NRXN3: variants seen among roughly 807,000 people sequenced by gnomAD.
The protein encoded by NRXN3 is neurexin 3, also known as neurexin III.
NRXN3 carries 32 observed loss-of-function variants against 137.6 expected under a neutral mutation model. The ratio of observed to expected loss-of-function variants is 0.23; its 90% CI spans 0.18 to 0.31. The LOEUF is 0.31. Among genes scored for constraint, NRXN3 ranks in the 10% least tolerant of loss-of-function variants. NRXN3 has a pLI of 1.00. For synonymous variants in NRXN3, 798 were observed against 784.5 expected (o/e 1.02, Z -0.29); for missense variants, 1,574 against 2,062.5 (o/e 0.76, Z 4.59).
At chr14:79,143,779 C>T (rs530761074) in intron 15 of NRXN3, among the ~76,000 whole-genome samples, 123 of 152,216 alleles carry the variant, frequency 8.1e-4, no homozygotes, top group African/African-American at 2.6e-3. Flanking sequence ...TTTTTTCTCC[C>T]TGTGTGATTA....
chr14:79,064,160 C>T (rs2099677725), intron 15 of NRXN3, among the ~76,000 whole-genome samples: 1 of 152,050 alleles, frequency 6.6e-6, no homozygotes, highest in Admixed American at 6.6e-5. Context: ...CATCTGTGAG[C>T]GGATTATTTG....
chr14:78,197,672 A>G (rs1247151387), intron 1 of NRXN3, among the ~76,000 whole-genome samples: 2 of 152,198 alleles, frequency 1.3e-5, no homozygotes, highest in Non-Finnish European at 2.9e-5. Flanking sequence ...AGCTCCCCAC[A>G]TCTTGATGGA....
At chr14:79,761,849 C>A (rs1378121276) in intron 19 of NRXN3, among the ~76,000 whole-genome samples, 2 of 151,634 alleles carry the variant, frequency 1.3e-5, no homozygotes, top group Admixed American at 1.3e-4. Context: ...TGTGTTCTGG[C>A]TAAAGGCCAG....
chr14:78,506,400 C>G (rs1371212865), intron 4 of NRXN3, among the ~76,000 whole-genome samples: 1 of 152,118 alleles, frequency 6.6e-6, no homozygotes, highest in East Asian at 1.9e-4. Context: ...GCAGATATCT[C>G]TTTGAGTTCC....
intron 4 of NRXN3, among the ~76,000 whole-genome samples, chr14:78,393,410 C>G (rs1185000165): frequency 6.6e-6 from 1 of 151,976 alleles, no homozygotes; most frequent in Non-Finnish European, 1.5e-5. Flanking sequence ...TCCTGTTACC[C>G]TCTTATAGCC....
Position 78,747,046 on chromosome 14 carries a change from C to G in NRXN3, c.2044+31907C>G, listed in dbSNP as rs190331014. Reference sequence around the variant, plus strand: ...GTAAGCTCCCAGGGCAGGTATGAACCTCACCATTTTAGAGAGGAAGAAATC... The same window carrying G: ...GTAAGCTCCCAGGGCAGGTATGAACGTCACCATTTTAGAGAGGAAGAAATC... On this transcript the variant is annotated intron_variant, in intron 8 of 20. Transcript: ENST00000335750. Among the ~76,000 whole-genome samples the G allele has an allele frequency of 1.1e-4, 17 of 152,210 alleles. No homozygotes were observed. In the East Asian group the frequency reaches 3.3e-3, roughly 29 times the overall value.
chr14:78,546,014 C>A (rs1173621722), intron 4 of NRXN3, among the ~76,000 whole-genome samples: 1 of 152,078 alleles, frequency 6.6e-6, no homozygotes, highest in Non-Finnish European at 1.5e-5. Context: ...TTACTTTTTT[C>A]TACCATGCAC....
chr14:78,655,986 C>T (rs1409985084), intron 6 of NRXN3, among the ~76,000 whole-genome samples: 4 of 152,152 alleles, frequency 2.6e-5, no homozygotes, highest in African/African-American at 9.7e-5. Flanking sequence ...CAATCCCACT[C>T]ATGAGGGACC....
At position 79,760,053 on chromosome 14, in the gene NRXN3, C is replaced by A. The variant is rs565785557; in HGVS notation, c.4015-45059C>A. Among the ~76,000 whole-genome samples, 39 of 151,736 alleles carry A rather than the reference C, an allele frequency of 2.6e-4. 1 individual carries two copies. In the East Asian group the frequency reaches 6.0e-3, roughly 23 times the overall value. On this transcript the variant is annotated intron_variant, in intron 19 of 20. Transcript: ENST00000335750. ...CTGGGAAATTACCCTCTGCCTACAG[C>A]TTTCAAATACATATATATACTATGT... is the stretch of plus-strand genomic sequence containing the variant.
chr14:79,701,956 T>C (rs1207041753), intron 19 of NRXN3, among the ~76,000 whole-genome samples: 1 of 152,102 alleles, frequency 6.6e-6, no homozygotes. Flanking sequence ...TATTATATTC[T>C]GTTTCCCACA....
chr14:79,042,389 C>T (rs973739580), intron 15 of NRXN3, among the ~76,000 whole-genome samples: 9 of 152,160 alleles, frequency 5.9e-5, no homozygotes, highest in South Asian at 4.1e-4. Context: ...ACTTAATGCA[C>T]GGTTTGCCTT....
chr14:79,120,389 A>ATC (rs1457433914), intron 15 of NRXN3, among the ~76,000 whole-genome samples: 79 of 152,108 alleles, frequency 5.2e-4, no homozygotes, highest in African/African-American at 1.8e-3. Context: ...TCACACTGAG[A>ATC]AGTGTGAACT....
At chr14:79,349,786 A>T (rs1408771829) in intron 15 of NRXN3, among the ~76,000 whole-genome samples, 1 of 152,146 alleles carries the variant, frequency 6.6e-6, no homozygotes, top group Non-Finnish European at 1.5e-5. Context: ...TAGTGTCCTT[A>T]TAAGAGGAAA....
chr14:79,474,090 T>C lies in NRXN3; in HGVS notation c.3444+6688T>C, dbSNP rs112887250. ...AGCAAGCCATAGTAGAAAGATGTGC[T>C]TAATTTGAAACCAAAAAAAAGTTGG... On this transcript the variant is annotated intron_variant, in intron 16 of 20. Coordinates refer to ENST00000335750, the MANE Select transcript of NRXN3 (RefSeq NM_001330195.2). Among the ~76,000 whole-genome samples, 32 of 152,296 alleles carry C rather than the reference T, an allele frequency of 2.1e-4. 1 individual carries two copies. Among genetic ancestry groups the C allele is most frequent in the African/African-American group, 7.7e-4 (32 of 41,578 alleles).
chr14:79,444,255 C>T lies in NRXN3; in HGVS notation c.3263-22966C>T, dbSNP rs144054175. 7.8e-3 allele frequency among the ~76,000 whole-genome samples: 1,194 copies of T among 152,192 alleles called. 9 individuals carry two copies. Among genetic ancestry groups the T allele is most frequent in the African/African-American group, 0.027 (1,125 of 41,518 alleles). On this transcript the variant is annotated intron_variant, in intron 15 of 20. Transcript: ENST00000335750. ...CCATTGAATTTGACTCTTTCACTGC[C>T]ATATCTTTGGAGAGAATGCCTTCCC...
intron 2 of NRXN3, among the ~76,000 whole-genome samples, chr14:78,272,558 G>T (rs2072953669): frequency 6.6e-6 from 1 of 152,176 alleles, no homozygotes; most frequent in East Asian, 1.9e-4. Context: ...CAGGGCAGGG[G>T]CTCCAGTTGC....
chr14:79,202,098 A>T (rs545448283), intron 15 of NRXN3, among the ~76,000 whole-genome samples: 2 of 150,658 alleles, frequency 1.3e-5, no homozygotes, highest in Non-Finnish European at 3.0e-5. Context: ...TCCTCAATCA[A>T]TTGAGGTTTT....
intron 15 of NRXN3, among the ~76,000 whole-genome samples, chr14:79,215,687 T>G (rs995245662): frequency 6.6e-6 from 1 of 151,956 alleles, no homozygotes; most frequent in Non-Finnish European, 1.5e-5. Context: ...TCCCACTGAG[T>G]CCCTCCCGCA....
At chr14:79,560,914 T>G (rs945806822) in intron 16 of NRXN3, among the ~76,000 whole-genome samples, 1 of 152,140 alleles carries the variant, frequency 6.6e-6, no homozygotes, top group East Asian at 1.9e-4. Flanking sequence ...CCCTGTGTTG[T>G]CAAGCTGCTC....
Sources: gnomAD v4.1 joint callset for allele counts (sites outside exome capture counted in the v4.1 genomes callset) on GRCh38, gnomAD v4.1.1 for gene constraint, MANE v1.5 for transcripts, NCBI Gene and HGNC (gene_info 2026-07-23, HGNC 2026-07-21) for gene names.